Variants in RAB11FIP2 observed in about 807,000 individuals in gnomAD.
The protein encoded by RAB11FIP2 is RAB11 family interacting protein 2.
A neutral mutation model predicts 40.9 loss-of-function variants in RAB11FIP2; 16 were observed. The ratio of observed to expected loss-of-function variants is 0.39; its 90% CI spans 0.26 to 0.59. The LOEUF (loss-of-function observed/expected upper bound fraction) is 0.59, where lower values mean the gene tolerates loss of function less well. RAB11FIP2 is among the 20% of genes least tolerant of loss of function. The probability of loss-of-function intolerance (pLI) is 0.53; values close to 1 mark genes in which losing one functional copy is unlikely to be tolerated. For synonymous variants in RAB11FIP2, 228 were observed against 213.7 expected (o/e 1.07, Z -0.58); for missense variants, 532 against 606.2 (o/e 0.88, Z 1.28).
intron 3 of RAB11FIP2, among the ~76,000 whole-genome samples, chr10:118,022,683 T>C (rs978242498): frequency 1.3e-5 from 2 of 152,238 alleles, no homozygotes; most frequent in African/African-American, 4.8e-5. Context: ...TCTGTGTATC[T>C]ATCTTACCCC....
At chr10:118,023,736 A>G (rs1455042677) in intron 3 of RAB11FIP2, among the ~76,000 whole-genome samples, 1 of 152,230 alleles carries the variant, frequency 6.6e-6, no homozygotes, top group Non-Finnish European at 1.5e-5. Context: ...ATTTAAAGAC[A>G]TCAATGAAAT....
rs929501973 is a variant in RAB11FIP2, at chr10:118,005,579, T to C, written c.*3419A>G. 1 of 152,226 alleles carries C rather than the reference T, an allele frequency of 6.6e-6. No individual in the cohort carries two copies. Among genetic ancestry groups the C allele is most frequent in the Non-Finnish European group, 1.5e-5 (1 of 68,028 alleles). The allele number at this position is 152,226 out of a possible 1,614,324, so 9.4% of individuals were successfully genotyped here. A position where few individuals can be genotyped will look rare whatever the true frequency, so the allele number is the denominator to read the frequency against. ...TGAATGAGCATGCATCATACTTCAC[T>C]TACACATACACACAAGTGACACCTA... On this transcript the variant is annotated 3_prime_UTR_variant, in exon 5 of 5. Transcript: ENST00000355624.
At chr10:118,035,834 T>C (rs375184817) in intron 3 of RAB11FIP2, among the ~76,000 whole-genome samples, 1 of 151,932 alleles carries the variant, frequency 6.6e-6, no homozygotes, top group Non-Finnish European at 1.5e-5. Flanking sequence ...GAACAGGAAA[T>C]GCTTCAAAGA....
chr10:118,015,591 T>C (rs1447575794), intron 3 of RAB11FIP2, among the ~76,000 whole-genome samples: 1 of 152,160 alleles, frequency 6.6e-6, no homozygotes, highest in Non-Finnish European at 1.5e-5. Flanking sequence ...CATTACCCTA[T>C]CAATAAGAAT....
chr10:118,046,250 T>C lies in RAB11FIP2; in HGVS notation c.-87A>G. On this transcript the variant is annotated 5_prime_UTR_variant, in exon 1 of 5. Transcript: ENST00000355624. ...GCCTAATTCCTTAATCACTGCATCC[T>C]AAGGACACTTAACGGAAACAGGCAG... is the stretch of plus-strand genomic sequence containing the variant. 8.0e-6 allele frequency: 9 copies of C among 1,120,212 alleles called. No individual in the cohort carries two copies. The highest frequency in any genetic ancestry group is 2.4e-5 in the East Asian group (1 of 42,364). 69.4% of individuals were successfully genotyped at this position (1,120,212 alleles called of 1,614,324 possible). A position where few individuals can be genotyped will look rare whatever the true frequency, so the allele number is the denominator to read the frequency against.
At chr10:118,015,721 A>T (rs1449408748) in intron 3 of RAB11FIP2, among the ~76,000 whole-genome samples, 1 of 152,202 alleles carries the variant, frequency 6.6e-6, no homozygotes, top group East Asian at 1.9e-4. Flanking sequence ...AGAGAAGAAA[A>T]CATCACAGCT....
chr10:118,010,732 A>T (rs1846145104), intron 4 of RAB11FIP2, among the ~76,000 whole-genome samples: 1 of 152,094 alleles, frequency 6.6e-6, no homozygotes, highest in Non-Finnish European at 1.5e-5. Context: ...TGTGGAGAAG[A>T]TACAGCTTGC....
intron 3 of RAB11FIP2, among the ~76,000 whole-genome samples, chr10:118,024,300 T>G (rs76293232): frequency 6.6e-6 from 1 of 152,170 alleles, no homozygotes; most frequent in East Asian, 1.9e-4. Flanking sequence ...AAAACTCAGA[T>G]GAATTTTTGC....
Position 118,008,925 on chromosome 10 carries a change from A to C in RAB11FIP2, c.*73T>G. The C allele has an allele frequency of 1.6e-6, 2 of 1,216,224 alleles. No homozygotes were observed. The highest frequency in any genetic ancestry group is 2.4e-6 in the Non-Finnish European group (2 of 838,808). 75.3% of individuals were successfully genotyped at this position (1,216,224 alleles called of 1,614,324 possible). A position where few individuals can be genotyped will look rare whatever the true frequency, so the allele number is the denominator to read the frequency against. On this transcript the variant is annotated 3_prime_UTR_variant, in exon 5 of 5. Coordinates refer to ENST00000355624, the MANE Select transcript of RAB11FIP2 (RefSeq NM_014904.3). ...ACCTGATAGTGTAGTCTCTTTCAGT[A>C]ACAAGTTTTTCCTTCCTTCCTTCTT...
At chr10:118,016,443 A>G (rs897246610) in intron 3 of RAB11FIP2, among the ~76,000 whole-genome samples, 1 of 152,146 alleles carries the variant, frequency 6.6e-6, no homozygotes, top group Non-Finnish European at 1.5e-5. Context: ...AGTGGCTTAA[A>G]AGACAAAAAC....
At chr10:118,012,956 T>C (rs961722739) in intron 4 of RAB11FIP2, among the ~76,000 whole-genome samples, 1 of 152,088 alleles carries the variant, frequency 6.6e-6, no homozygotes, top group Non-Finnish European at 1.5e-5. Context: ...GGTAAGAAAA[T>C]ATTAGAATTA....
chr10:118,041,263 A>G (rs1846555220), intron 1 of RAB11FIP2, among the ~76,000 whole-genome samples: 1 of 151,958 alleles, frequency 6.6e-6, no homozygotes, highest in Non-Finnish European at 1.5e-5. Context: ...AAAAAAAAAA[A>G]CCTAAAATGC....
At chr10:118,039,492 T>A in intron 2 of RAB11FIP2, 52 bp from the exon 3 acceptor site, 1 of 1,431,866 alleles carries the variant, frequency 7.0e-7, no homozygotes, top group Non-Finnish European at 9.7e-7. Context: ...TACATCACAC[T>A]ATTTGACACA....
chr10:118,009,235 G>A lies in RAB11FIP2; in HGVS notation c.1312-10C>T. 1 of 1,588,174 alleles carries A rather than the reference G, an allele frequency of 6.3e-7. No homozygotes were observed. Among genetic ancestry groups the A allele is most frequent in the Non-Finnish European group, 8.6e-7 (1 of 1,159,122 alleles). On this transcript the variant is annotated splice_polypyrimidine_tract_variant and intron_variant, in intron 4 of 4. Transcript: ENST00000355624. ...CAAAGGGGTTGCTGTCCTAGAACAG[G>A]ATAAAGACTGTCACTTTCATAGATA...
chr10:118,028,975 C>T (rs1846380008), intron 3 of RAB11FIP2, among the ~76,000 whole-genome samples: 2 of 151,666 alleles, frequency 1.3e-5, no homozygotes, highest in Non-Finnish European at 2.9e-5. Flanking sequence ...ATTCAAAACA[C>T]CTAATTCCTA....
At chr10:118,028,289 GTATAA>G (rs1451443437) in intron 3 of RAB11FIP2, among the ~76,000 whole-genome samples, 11 of 150,702 alleles carry the variant, frequency 7.3e-5, no homozygotes, top group South Asian at 2.1e-4. Context: ...TTTGTTTGGT[GTATAA>G]TATATTAAAT....
intron 1 of RAB11FIP2, among the ~76,000 whole-genome samples, chr10:118,043,177 A>C (rs1207147396): frequency 6.6e-6 from 1 of 152,100 alleles, no homozygotes; most frequent in Non-Finnish European, 1.5e-5. Flanking sequence ...TGTGGTCAGA[A>C]ATGGGACAAA....
At chr10:118,033,961 A>G (rs1452731358) in intron 3 of RAB11FIP2, 1 of 701,694 alleles carries the variant, frequency 1.4e-6, no homozygotes, top group Admixed American at 2.0e-5. Context: ...GCATGCAGAG[A>G]CCCAGGCTGC....
rs1273553634 is a variant in RAB11FIP2 at position 118,006,420 on chromosome 10, T to C, written c.*2578A>G. The C allele has an allele frequency of 6.6e-6, 1 of 152,440 alleles. No individual in the cohort carries two copies. 9.4% of individuals were successfully genotyped at this position (152,440 alleles called of 1,614,324 possible). ...ACTCTATAATCTAGTGTACTGTGCA[T>C]TATTTAATAAGCACATATATTTTAT... On this transcript the variant is annotated 3_prime_UTR_variant, in exon 5 of 5. Coordinates refer to ENST00000355624, the MANE Select transcript of RAB11FIP2 (RefSeq NM_014904.3).
Sources: gnomAD v4.1 joint callset for allele counts (sites outside exome capture counted in the v4.1 genomes callset) on GRCh38, gnomAD v4.1.1 for gene constraint, MANE v1.5 for transcripts, NCBI Gene and HGNC (gene_info 2026-07-23, HGNC 2026-07-21) for gene names.